ADAMTS12: variants seen among roughly 807,000 people sequenced by gnomAD.
ADAMTS12 encodes the protein A disintegrin and metalloproteinase with thrombospondin motifs 12.
Under a neutral mutation model 167.8 loss-of-function variants are expected in ADAMTS12, and 118 were observed. The observed-to-expected ratio is 0.70, with a 90% CI of 0.61 to 0.82. ADAMTS12 has a LOEUF of 0.82. ADAMTS12 is among the 40% of genes least tolerant of loss of function. ADAMTS12 has a pLI of 0.00. For missense variants in ADAMTS12, 1,916 were observed against 1,998.8 expected, an observed-to-expected ratio of 0.96 and a Z score of 0.79; for synonymous variants, 704 against 716.9, an observed-to-expected ratio of 0.98 and a Z score of 0.29.
intron 5 of ADAMTS12, among the ~76,000 whole-genome samples, chr5:33,674,962 T>C (rs1460151862): frequency 6.6e-6 from 1 of 152,130 alleles, no homozygotes; most frequent in Non-Finnish European, 1.5e-5. Flanking sequence ...GTTGTTATCA[T>C]GGGAGTGAGT....
chr5:33,580,679 T>C (rs1183955418), intron 18 of ADAMTS12, among the ~76,000 whole-genome samples: 1 of 152,194 alleles, frequency 6.6e-6, no homozygotes, highest in Non-Finnish European at 1.5e-5. Context: ...TTCTTTAGCC[T>C]GCTCAATCTT....
chr5:33,559,714 C>G (rs1285712546), intron 20 of ADAMTS12, among the ~76,000 whole-genome samples: 1 of 152,144 alleles, frequency 6.6e-6, no homozygotes, highest in Admixed American at 6.5e-5. Flanking sequence ...AACCCCATCT[C>G]TACTAAAAAT....
At chr5:33,664,718 C>A (rs948803842) in intron 5 of ADAMTS12, among the ~76,000 whole-genome samples, 2 of 151,960 alleles carry the variant, frequency 1.3e-5, no homozygotes, top group Admixed American at 1.3e-4. Context: ...AATTAGTAGC[C>A]ATTATGGAAA....
At chr5:33,843,983 C>G (rs776123917) in intron 2 of ADAMTS12, among the ~76,000 whole-genome samples, 4 of 152,188 alleles carry the variant, frequency 2.6e-5, no homozygotes, top group Non-Finnish European at 5.9e-5. Flanking sequence ...TATTAGTTCC[C>G]CAAATTAATA....
At chr5:33,770,966 G>A (rs1265475585) in intron 2 of ADAMTS12, among the ~76,000 whole-genome samples, 2 of 151,942 alleles carry the variant, frequency 1.3e-5, no homozygotes, top group African/African-American at 4.8e-5. Context: ...GTTGGGATTT[G>A]AGATGTGAGC....
At chr5:33,621,723 T>C (rs996623786) in intron 14 of ADAMTS12, among the ~76,000 whole-genome samples, 3 of 152,200 alleles carry the variant, frequency 2.0e-5, no homozygotes, top group Admixed American at 6.5e-5. Flanking sequence ...TATCTCATGA[T>C]TGATGTGTGG....
chr5:33,593,498 C>T (rs944443975), intron 17 of ADAMTS12, among the ~76,000 whole-genome samples: 3 of 152,160 alleles, frequency 2.0e-5, no homozygotes, highest in South Asian at 2.1e-4. Context: ...GGGTTGCTTA[C>T]AGGCTTAAAT....
At chr5:33,823,981 C>T (rs368025495) in intron 2 of ADAMTS12, among the ~76,000 whole-genome samples, 179 of 152,210 alleles carry the variant, frequency 1.2e-3, no homozygotes, top group African/African-American at 4.2e-3. Flanking sequence ...ATGTTATACA[C>T]CTTGAATATA....
At chr5:33,560,923 G>GAAAA in intron 20 of ADAMTS12, 104 bp downstream of exon 20, 1 of 1,195,724 alleles carries the variant, frequency 8.4e-7, no homozygotes, top group Non-Finnish European at 1.1e-6. Flanking sequence ...TTAAGAAAAA[G>GAAAA]AAAAAAAAAA....
At chr5:33,537,060 T>C (rs757160754) in intron 22 of ADAMTS12, among the ~76,000 whole-genome samples, 4 of 152,262 alleles carry the variant, frequency 2.6e-5, no homozygotes, top group Non-Finnish European at 5.9e-5. Flanking sequence ...CACTGCTGCC[T>C]TGATCCAATC....
chr5:33,607,209 G>T (rs6873654), intron 16 of ADAMTS12, among the ~76,000 whole-genome samples: 87,974 of 149,104 alleles, frequency 0.59, 25,770 homozygotes, highest in East Asian at 0.82. Flanking sequence ...AGCACTCTGT[G>T]ACAGGCCCAA....
Position 33,577,066 on chromosome 5 carries a change from C to T in ADAMTS12, c.2960G>A (p.Ser987Asn). The change falls in exon 19 of 24, where the codon AGC (serine) becomes AAC (asparagine). Residue 987 changes from serine (S) to asparagine (N), a missense_variant. Physicochemically the swap from Ser to Asn is conservative, Grantham distance 46. Coordinates refer to ENST00000504830, the MANE Select transcript of ADAMTS12 (RefSeq NM_030955.4). ...EPCDVTRKPN[S>N]RALCGLQQCP... is the part of the protein sequence containing the mutation. ...TTGCTGGAGGCCACACAGAGCTCGGCTGTTGGGTTTCCTTGTCACATCGCA... is the reference window on the plus strand; with the variant it reads ...TTGCTGGAGGCCACACAGAGCTCGGTTGTTGGGTTTCCTTGTCACATCGCA... 6.2e-7 allele frequency: 1 copy of T among 1,614,200 alleles called. No homozygotes were observed. The highest frequency in any genetic ancestry group is 8.5e-7 in the Non-Finnish European group (1 of 1,180,022).
At chr5:33,885,043 A>G (rs1311667502) in intron 1 of ADAMTS12, among the ~76,000 whole-genome samples, 1 of 152,232 alleles carries the variant, frequency 6.6e-6, no homozygotes, top group Non-Finnish European at 1.5e-5. Flanking sequence ...AGTTGAAAAT[A>G]TCTTATTTGT....
intron 19 of ADAMTS12, among the ~76,000 whole-genome samples, chr5:33,563,616 T>C (rs1453911196): frequency 6.6e-6 from 1 of 152,188 alleles, no homozygotes; most frequent in African/African-American, 2.4e-5. Flanking sequence ...TGTGGAAAAT[T>C]ATGCTGTCAC....
chr5:33,629,373 T>C lies in ADAMTS12; in HGVS notation c.2022+1407A>G, dbSNP rs1739811371. Among the ~76,000 whole-genome samples, 8 of 67,410 alleles carry C rather than the reference T, an allele frequency of 1.2e-4. No individual in the cohort carries two copies. The South Asian group carries it at 3.6e-3, about 31-fold the overall frequency. 44.2% of individuals were successfully genotyped at this position (67,410 alleles called of 152,430 possible). ...CCAGTGGAAAAACATATTATAAATA[T>C]TTTTAAAAAACAAAATTTGTTGAGT... On this transcript the variant is annotated intron_variant, in intron 13 of 23. Transcript: ENST00000504830.
At chr5:33,654,690 T>A (rs375091239) in intron 7 of ADAMTS12, among the ~76,000 whole-genome samples, 46 of 152,216 alleles carry the variant, frequency 3.0e-4, no homozygotes, top group African/African-American at 1.1e-3. Flanking sequence ...TGTTATAGCT[T>A]CACACAGATG....
intron 2 of ADAMTS12, among the ~76,000 whole-genome samples, chr5:33,778,785 A>C (rs556643918): frequency 1.3e-5 from 2 of 152,270 alleles, no homozygotes; most frequent in East Asian, 3.9e-4. Context: ...GATAAGGGGT[A>C]AATATCCAAA....
At chr5:33,600,652 C>A (rs1178216534) in intron 16 of ADAMTS12, among the ~76,000 whole-genome samples, 1 of 152,132 alleles carries the variant, frequency 6.6e-6, no homozygotes, top group Admixed American at 6.5e-5. Context: ...GCATTGTATA[C>A]TCAATCTTTA....
At chr5:33,846,606 T>A (rs1308294326) in intron 2 of ADAMTS12, among the ~76,000 whole-genome samples, 1 of 151,920 alleles carries the variant, frequency 6.6e-6, no homozygotes, top group Non-Finnish European at 1.5e-5. Flanking sequence ...AGTTCAGGAG[T>A]GTATCATGTG....
Sources: allele counts gnomAD v4.1 joint callset (sites outside exome capture counted in the v4.1 genomes callset), GRCh38; gene constraint gnomAD v4.1.1; transcripts MANE v1.5; gene names NCBI Gene and HGNC (gene_info 2026-07-23, HGNC 2026-07-21).